The following NR2F6 variants were observed in gnomAD, a reference collection of about 807,000 sequenced individuals.
NR2F6 encodes the protein nuclear receptor subfamily 2 group F member 6.
NR2F6 carries 16 observed loss-of-function variants against 26.5 expected under a neutral mutation model. The ratio of observed to expected loss-of-function variants is 0.60; its 90% confidence interval spans 0.41 to 0.92. NR2F6 has a LOEUF of 0.92. NR2F6 is among the 40% of genes least tolerant of loss of function. The pLI is 0.00. For missense variants in NR2F6, 536 were observed against 631.7 expected (o/e 0.85, Z 1.62); for synonymous variants, 325 against 305.0 (o/e 1.07, Z -0.68).
chr19:17,245,643 C>G lies in NR2F6; in HGVS notation c.-423G>C, dbSNP rs2073494632. On this transcript the variant is annotated 5_prime_UTR_variant, in exon 1 of 4. Coordinates refer to ENST00000291442, the MANE Select transcript of NR2F6 (RefSeq NM_005234.4). The surrounding 1 kb of genome is among the most constrained non-coding windows in gnomAD (Gnocchi z 5.0). ...CGGGCCGCCATCCGAGCGCGGGAGG[C>G]CGGGGGGAAAGTTTGGCCGCAAGTT... is the stretch of plus-strand genomic sequence containing the variant. 1.4e-5 allele frequency: 2 copies of G among 146,372 alleles called. No individual in the cohort carries two copies. The highest frequency in any genetic ancestry group is 4.1e-4 in the South Asian group (2 of 4,822). 9.1% of individuals were successfully genotyped at this position (146,372 alleles called of 1,614,324 possible).
intron 3 of NR2F6, among the ~76,000 whole-genome samples, chr19:17,233,507 AT>A (rs1042353886): frequency 1.3e-5 from 2 of 151,258 alleles, no homozygotes; most frequent in African/African-American, 2.4e-5. Context: ...ACAGGTTCTA[AT>A]TTTTTTTTCT....
intron 2 of NR2F6, among the ~76,000 whole-genome samples, chr19:17,240,425 C>A (rs550621338): frequency 6.6e-6 from 1 of 152,146 alleles, no homozygotes; most frequent in Admixed American, 6.5e-5. Flanking sequence ...TTCAGCTCCA[C>A]GGCAGCAACC....
rs1248964289 is a variant in NR2F6, at chr19:17,244,992, T to C, written c.229A>G (p.Lys77Glu). The C allele has an allele frequency of 6.3e-7, 1 of 1,585,192 alleles. No homozygotes were observed. ...HYGVFTCEGC[K>E]SFFKRSIRRN... ...CGGATGCTTCGCTTGAAAAAGCTCTTGCAGCCCTCGCAGGTGAAGACACCG... is the reference window on the plus strand; with the variant it reads ...CGGATGCTTCGCTTGAAAAAGCTCTCGCAGCCCTCGCAGGTGAAGACACCG... The change falls in exon 1 of 4, where the codon AAG (lysine) becomes GAG (glutamate). Residue 77 changes from lysine (K) to glutamate (E), a missense_variant. Lys to Glu is a moderately conservative substitution (Grantham distance 56). Transcript: ENST00000291442.
intron 1 of NR2F6, 138 bp downstream of exon 1, chr19:17,244,805 G>A (rs1399544332): frequency 2.0e-5 from 19 of 974,174 alleles, no homozygotes; most frequent in Non-Finnish European, 2.7e-5. Flanking sequence ...CGGGAGGAGG[G>A]TGCTGTGCCC....
chr19:17,234,072 A>G (rs2073422513), intron 3 of NR2F6, among the ~76,000 whole-genome samples: 1 of 151,850 alleles, frequency 6.6e-6, no homozygotes, highest in South Asian at 2.1e-4. Flanking sequence ...AAAACACAAA[A>G]ATTAGCCAGG....
chr19:17,232,720 T>TA (rs1237879990), intron 3 of NR2F6, 94 bp from the exon 4 acceptor site: 7 of 1,414,170 alleles, frequency 4.9e-6, no homozygotes, highest in African/African-American at 1.4e-5. Context: ...CCACTGTGGG[T>TA]AAGAACAGGG....
At position 17,245,750 on chromosome 19, in the gene NR2F6, C is replaced by T. The variant is rs2073495397; in HGVS notation, c.-530G>A. 1 of 145,618 alleles carries T rather than the reference C, an allele frequency of 6.9e-6. No individual in the cohort carries two copies. Among genetic ancestry groups the T allele is most frequent in the African/African-American group, 2.5e-5 (1 of 40,648 alleles). The allele number at this position is 145,618 out of a possible 1,614,324, so 9.0% of individuals were successfully genotyped here. On this transcript the variant is annotated 5_prime_UTR_variant, in exon 1 of 4. Transcript: ENST00000291442. The surrounding 1 kb of genome is among the most constrained non-coding windows in gnomAD (Gnocchi z 5.0). Reference sequence around the variant, plus strand: ...CCGCGCCCCCTGGGTCCCCCGGCGCCCGCGGCTGCCGCTCCGGGCCTGCAG... The same window carrying T: ...CCGCGCCCCCTGGGTCCCCCGGCGCTCGCGGCTGCCGCTCCGGGCCTGCAG...
Position 17,244,809 on chromosome 19 carries a change from T to C in NR2F6, c.278+134A>G, listed in dbSNP as rs377147832. 6.9e-5 allele frequency: 70 copies of C among 1,017,650 alleles called. No individual in the cohort carries two copies. The East Asian group carries it at 8.2e-4, about 12-fold the overall frequency. The allele number at this position is 1,017,650 out of a possible 1,614,324, so 63.0% of individuals were successfully genotyped here. A position where few individuals can be genotyped will look rare whatever the true frequency, so the allele number is the denominator to read the frequency against. On this transcript the variant is annotated intron_variant, in intron 1 of 3. Coordinates refer to ENST00000291442, the MANE Select transcript of NR2F6 (RefSeq NM_005234.4). Reference sequence around the variant, plus strand: ...GCCATGGAATGCGGGAGGAGGGTGCTGTGCCCCTATCTCAGAGGGGGCAGT... The same window carrying C: ...GCCATGGAATGCGGGAGGAGGGTGCCGTGCCCCTATCTCAGAGGGGGCAGT...
At chr19:17,237,663 G>A (rs1034976523) in intron 2 of NR2F6, among the ~76,000 whole-genome samples, 2 of 152,116 alleles carry the variant, frequency 1.3e-5, no homozygotes, top group Non-Finnish European at 2.9e-5. Flanking sequence ...GCCCACCTCG[G>A]CCTCCCAAAG....
rs1490977564 is a variant in NR2F6, at chr19:17,235,264, G to C, written c.940+235C>G. ...TGGCCCAGCCTTGGGTCTGGGGTCC[G>C]GGGTTCAGAGTTCTCCGAGAGTCCT... On this transcript the variant is annotated intron_variant, in intron 3 of 3. Transcript: ENST00000291442. This position sits in a 1 kb window ranked among gnomAD's most constrained non-coding sequence, Gnocchi z 5.0. 1.3e-5 allele frequency among the ~76,000 whole-genome samples: 2 copies of C among 152,226 alleles called. No individual in the cohort carries two copies. Among genetic ancestry groups the C allele is most frequent in the Non-Finnish European group, 2.9e-5 (2 of 68,034 alleles).
intron 1 of NR2F6, among the ~76,000 whole-genome samples, 196 bp downstream of exon 1, chr19:17,244,747 C>T (rs1247688366): frequency 6.6e-6 from 1 of 152,228 alleles, no homozygotes. Context: ...GGGGGGGAAC[C>T]TGCAACGATG....
chr19:17,237,395 C>T (rs1479968788), intron 2 of NR2F6, among the ~76,000 whole-genome samples: 1 of 148,218 alleles, frequency 6.7e-6, no homozygotes, highest in Admixed American at 6.7e-5. Context: ...TCCTTTCTTC[C>T]TCTCTCTCTC....
At chr19:17,241,179 A>C (rs986952871) in intron 1 of NR2F6, among the ~76,000 whole-genome samples, 2 of 152,208 alleles carry the variant, frequency 1.3e-5, no homozygotes, top group African/African-American at 4.8e-5. Flanking sequence ...CATTGTCCCC[A>C]AAAAGATGTG....
chr19:17,235,524 G>C lies in NR2F6; in HGVS notation c.915C>G (p.Leu305=). The change falls in exon 3 of 4, where the codon CTC becomes CTG. Residue 305 remains leucine, a synonymous_variant. Transcript: ENST00000291442. This position sits in a 1 kb window ranked among gnomAD's most constrained non-coding sequence, Gnocchi z 5.0. ...LQVDSAEYGC[L]KAIALFTPDA... The stretch of plus-strand genomic sequence containing the variant: ...CGGGCGTGAAGAGCGCGATGGCCTT[G>C]AGGCAGCCATACTCGGCCGAGTCGA... The C allele has an allele frequency of 1.3e-6, 2 of 1,594,228 alleles. No homozygotes were observed. Among genetic ancestry groups the C allele is most frequent in the Non-Finnish European group, 1.7e-6 (2 of 1,176,246 alleles).
intron 1 of NR2F6, among the ~76,000 whole-genome samples, chr19:17,244,074 G>A (rs894409132): frequency 3.3e-5 from 5 of 152,204 alleles, no homozygotes; most frequent in East Asian, 1.9e-4. Flanking sequence ...TTTCCCTGGG[G>A]ACCTTCCGCC....
At position 17,233,901 on chromosome 19, in the gene NR2F6, A is replaced by G. The variant is rs1053160139; in HGVS notation, c.941-1275T>C. 1.1e-4 allele frequency among the ~76,000 whole-genome samples: 16 copies of G among 152,200 alleles called. 1 individual carries two copies. In the East Asian group the frequency reaches 2.3e-3, roughly 22 times the overall value. The stretch of plus-strand genomic sequence containing the variant: ...GGTGTGAGAGAATGTGGCAGCCTCT[A>G]GAGAGAGACCCAAGATAGGAAGCCA... On this transcript the variant is annotated intron_variant, in intron 3 of 3. Transcript: ENST00000291442.
At chr19:17,242,512 C>T (rs1024652003) in intron 1 of NR2F6, among the ~76,000 whole-genome samples, 29 of 152,130 alleles carry the variant, frequency 1.9e-4, no homozygotes, top group Admixed American at 1.6e-3. Flanking sequence ...AGAGCCCAGC[C>T]GGAGAACCCA....
At chr19:17,244,810 G>A in intron 1 of NR2F6, 133 bp downstream of exon 1, 3 of 1,032,878 alleles carry the variant, frequency 2.9e-6, no homozygotes, top group Non-Finnish European at 4.1e-6. Flanking sequence ...GGAGGGTGCT[G>A]TGCCCCTATC....
At chr19:17,239,385 G>T (rs543346434) in intron 2 of NR2F6, among the ~76,000 whole-genome samples, 1 of 151,278 alleles carries the variant, frequency 6.6e-6, no homozygotes, top group East Asian at 2.0e-4. Context: ...TGCCGGGCGC[G>T]GTGGCTTACG....
Sources: gnomAD v4.1 joint callset for allele counts (sites outside exome capture counted in the v4.1 genomes callset) on GRCh38, gnomAD v4.1.1 for gene constraint, Gnocchi (gnomAD v3.1) non-coding constraint, MANE v1.5 for transcripts, NCBI Gene and HGNC (gene_info 2026-07-23, HGNC 2026-07-21) for gene names.